The following OCA2 variants were observed in gnomAD, a reference collection of about 807,000 sequenced individuals.
OCA2 encodes OCA2 melanosomal transmembrane protein, also known as P protein.
A neutral mutation model predicts 100.2 loss-of-function variants in OCA2; 77 were observed. That is an observed-to-expected ratio of 0.77 (90% CI 0.64 to 0.93). OCA2 has a LOEUF of 0.93. Among genes scored for constraint, OCA2 ranks in the 40% least tolerant of loss-of-function variants. OCA2 has a pLI of 0.00. For synonymous variants in OCA2, 432 were observed against 439.2 expected, an observed-to-expected ratio of 0.98 and a Z score of 0.21; for missense variants, 1,062 against 1,089.1, an observed-to-expected ratio of 0.98 and a Z score of 0.35.
At chr15:28,071,650 T>C (rs2044264452) in intron 2 of OCA2, among the ~76,000 whole-genome samples, 2 of 152,160 alleles carry the variant, frequency 1.3e-5, no homozygotes. Flanking sequence ...ACATGGCCAA[T>C]ATAAACAAAC....
chr15:27,967,023 G>C (rs115448999), intron 14 of OCA2, among the ~76,000 whole-genome samples: 1,598 of 152,272 alleles, frequency 0.01, 34 homozygotes, highest in African/African-American at 0.037. Context: ...CCAGCTACTC[G>C]GGAGGCTGAG....
At chr15:27,972,205 C>G (rs1029997192) in intron 14 of OCA2, among the ~76,000 whole-genome samples, 1 of 152,106 alleles carries the variant, frequency 6.6e-6, no homozygotes, top group Non-Finnish European at 1.5e-5. Context: ...TGTATATACA[C>G]GCATATCTCT....
intron 19 of OCA2, among the ~76,000 whole-genome samples, chr15:27,901,330 T>C (rs1401086083): frequency 1.3e-5 from 2 of 152,190 alleles, no homozygotes; most frequent in African/African-American, 4.8e-5. Context: ...TGCTGGCAGC[T>C]CTCCCATCTT....
chr15:28,081,964 T>C (rs1377694256), intron 1 of OCA2, 69 bp from the exon 2 acceptor site: 1 of 1,279,802 alleles, frequency 7.8e-7, no homozygotes, highest in Non-Finnish European at 1.1e-6. Flanking sequence ...ACCTTGGGAG[T>C]CCGTACAATA....
intron 23 of OCA2, among the ~76,000 whole-genome samples, chr15:27,816,820 T>C (rs1047844340): frequency 2.0e-5 from 3 of 152,186 alleles, no homozygotes; most frequent in African/African-American, 7.2e-5. Context: ...GAGGCTTCTC[T>C]GCTCAAAGAC....
rs114117298 is a variant in OCA2 at position 28,018,374 on chromosome 15, T to A, written c.807+23A>T. On this transcript the variant is annotated intron_variant, in intron 7 of 23. Transcript: ENST00000354638. The stretch of plus-strand genomic sequence containing the variant: ...GATGAAATGAGATTTCACAATTCCT[T>A]TCAAATAAATTATCAGCATAACCTG... 6,018 of 1,612,294 alleles carry A rather than the reference T, an allele frequency of 3.7e-3. 69 individuals are homozygous for A. The highest frequency in any genetic ancestry group is 0.029 in the African/African-American group (2,183 of 74,958).
chr15:27,759,469 A>C lies in OCA2; in HGVS notation c.2433-3997T>G, dbSNP rs1232580833. 3.3e-5 allele frequency among the ~76,000 whole-genome samples: 5 copies of C among 152,202 alleles called. No homozygotes were observed. The East Asian group carries it at 9.6e-4, about 29-fold the overall frequency. On this transcript the variant is annotated intron_variant, in intron 23 of 23. Transcript: ENST00000354638. ...ACAAAATAAATAGCAAAATAGTAAAAGCACGGATAAAGAATAAACCACACA... is the reference window on the plus strand; with the variant it reads ...ACAAAATAAATAGCAAAATAGTAAACGCACGGATAAAGAATAAACCACACA...
At chr15:27,835,120 T>C (rs2035099060) in intron 23 of OCA2, among the ~76,000 whole-genome samples, 2 of 152,170 alleles carry the variant, frequency 1.3e-5, no homozygotes, top group South Asian at 4.1e-4. Flanking sequence ...GGGCAGCACA[T>C]TTCTTTGGGC....
At chr15:27,893,408 T>C (rs533552522) in intron 19 of OCA2, among the ~76,000 whole-genome samples, 3 of 152,328 alleles carry the variant, frequency 2.0e-5, no homozygotes, top group Middle Eastern at 3.4e-3. Flanking sequence ...GCGATTTTTA[T>C]GGAACAAGGG....
the OCA2 span, among the ~76,000 whole-genome samples, chr15:27,745,175 G>A: frequency 1.3e-5 from 2 of 152,172 alleles, no homozygotes; most frequent in African/African-American, 4.8e-5. Context: ...TGTTGAAAGT[G>A]CAGCTACTCC....
chr15:27,966,793 G>A lies in OCA2; in HGVS notation c.1533C>T (p.His511=). ...GAACAAGGCAAATCCCAATGAACATGTGTGCAGTGAATCCGGCAAAGTCCA... is the reference window on the plus strand; with the variant it reads ...GAACAAGGCAAATCCCAATGAACATATGTGCAGTGAATCCGGCAAAGTCCA... ...MGLDFAGFTA[H]MFIGICLVLL... The change falls in exon 15 of 24, where the codon CAC becomes CAT. Residue 511 remains histidine (H), a synonymous_variant. Coordinates refer to ENST00000354638, the MANE Select transcript of OCA2 (RefSeq NM_000275.3). 6.2e-7 allele frequency: 1 copy of A among 1,612,880 alleles called. No individual in the cohort carries two copies. The highest frequency in any genetic ancestry group is 8.5e-7 in the Non-Finnish European group (1 of 1,179,888).
rs762447373 is a variant in OCA2 at position 27,957,622 on chromosome 15, G to T, written c.1750C>A (p.His584Asn). The T allele has an allele frequency of 6.2e-7, 1 of 1,612,948 alleles. No homozygotes were observed. ...GTGTGCAGCCTCCGGGCGAGCAGGT[G>T]CTCCAGTGCCAGCACCTTCCCCAGC... Reference protein sequence around the residue: ...LLLGKVLALEHLLARRLHTFH... With the variant: ...LLLGKVLALENLLARRLHTFH... Residue 584 changes from histidine to asparagine, a missense_variant, in exon 16 of 24, where the codon CAC becomes AAC. By Grantham distance (68) the His-to-Asn change is moderately conservative (BLOSUM62 1). Coordinates refer to ENST00000354638, the MANE Select transcript of OCA2 (RefSeq NM_000275.3). This position sits in a 1 kb window ranked among gnomAD's most constrained non-coding sequence, Gnocchi z 4.3.
intron 18 of OCA2, among the ~76,000 whole-genome samples, chr15:27,940,821 G>A (rs1023885444): frequency 6.6e-6 from 1 of 152,160 alleles, no homozygotes; most frequent in African/African-American, 2.4e-5. Flanking sequence ...AAACATCACC[G>A]AAAAACTGCT....
intron 15 of OCA2, among the ~76,000 whole-genome samples, chr15:27,959,137 A>G (rs1175549226): frequency 6.6e-6 from 1 of 152,254 alleles, no homozygotes; most frequent in Non-Finnish European, 1.5e-5. Context: ...TATTTCAGTT[A>G]GCACATGGCT....
intron 23 of OCA2, among the ~76,000 whole-genome samples, chr15:27,775,108 GTGTT>G (rs1336602012): frequency 3.3e-5 from 5 of 151,022 alleles, no homozygotes; most frequent in African/African-American, 7.3e-5. Context: ...GTGTGTCTGT[GTGTT>G]TGTTAATAAG....
the OCA2 span, among the ~76,000 whole-genome samples, chr15:27,728,001 TG>T: frequency 6.6e-6 from 1 of 152,150 alleles, no homozygotes; most frequent in Non-Finnish European, 1.5e-5. Flanking sequence ...CTTCCAAAGG[TG>T]TATGTCTCTC....
chr15:27,738,500 C>A, the OCA2 span, among the ~76,000 whole-genome samples: 1 of 152,140 alleles, frequency 6.6e-6, no homozygotes, highest in Non-Finnish European at 1.5e-5. Flanking sequence ...TTTTGGGAGG[C>A]CGAGGCGGGC....
rs1237141064 is a variant in OCA2, at chr15:27,977,094, C to T, written c.1503+6251G>A. On this transcript the variant is annotated intron_variant, in intron 14 of 23. Coordinates refer to ENST00000354638, the MANE Select transcript of OCA2 (RefSeq NM_000275.3). The stretch of plus-strand genomic sequence containing the variant: ...TAAGAATAGTATTAATGTCTGTATG[C>T]TCTGTTGTAATATAACAACTCTTAT... 3.3e-5 allele frequency among the ~76,000 whole-genome samples: 5 copies of T among 152,086 alleles called. No homozygotes were observed. The East Asian group carries it at 9.6e-4, about 29-fold the overall frequency.
At chr15:27,941,027 C>G (rs914512661) in intron 18 of OCA2, among the ~76,000 whole-genome samples, 1 of 152,134 alleles carries the variant, frequency 6.6e-6, no homozygotes, top group East Asian at 1.9e-4. Context: ...ATCCTGAGCC[C>G]TGAAAGGAAG....
Sources: allele counts gnomAD v4.1 joint callset (sites outside exome capture counted in the v4.1 genomes callset), GRCh38; gene constraint gnomAD v4.1.1; non-coding constraint Gnocchi (gnomAD v3.1); transcripts MANE v1.5; gene names NCBI Gene and HGNC (gene_info 2026-07-23, HGNC 2026-07-21).